IFT25: variants seen among roughly 807,000 people sequenced by gnomAD.
IFT25 encodes intraflagellar transport 25, also known as intraflagellar transport protein 25 homolog.
the IFT25 span, chr1:53,916,690 G>T: frequency 3.2e-6 from 1 of 316,864 alleles, no homozygotes; most frequent in South Asian, 1.6e-4. Flanking sequence ...TGATCTAGCC[G>T]TAATGTTCAG....
At chr1:53,933,604 A>T in the IFT25 span, among the ~76,000 whole-genome samples, 3 of 152,132 alleles carry the variant, frequency 2.0e-5, no homozygotes, top group Non-Finnish European at 4.4e-5. Context: ...TCAACTATTC[A>T]TATCTTTATA....
At chr1:53,911,902 CTAT>C in the IFT25 span, among the ~76,000 whole-genome samples, 4 of 152,126 alleles carry the variant, frequency 2.6e-5, no homozygotes, top group African/African-American at 9.7e-5. Context: ...GAAGTGTTGG[CTAT>C]TATTACGATT....
the IFT25 span, among the ~76,000 whole-genome samples, chr1:53,926,393 C>T: frequency 0.018 from 2,739 of 152,306 alleles, 91 homozygotes; most frequent in African/African-American, 0.063. Flanking sequence ...ATCAAACGAT[C>T]CGCCCACCTC....
the IFT25 span, among the ~76,000 whole-genome samples, chr1:53,917,618 G>A: frequency 3.3e-5 from 5 of 152,156 alleles, no homozygotes; most frequent in Non-Finnish European, 5.9e-5. Context: ...CTGAGGTCAG[G>A]AGTTTGAGAC....
At chr1:53,925,282 A>G in the IFT25 span, among the ~76,000 whole-genome samples, 4 of 152,174 alleles carry the variant, frequency 2.6e-5, 1 homozygote, top group Admixed American at 6.5e-5. Context: ...ATACATTATA[A>G]TGATATTTTC....
the IFT25 span, among the ~76,000 whole-genome samples, chr1:53,937,465 T>C: frequency 6.6e-6 from 1 of 152,186 alleles, no homozygotes; most frequent in Non-Finnish European, 1.5e-5. Context: ...TTATATTTTC[T>C]GGAACTGCAT....
At chr1:53,928,327 TTATCTACTCCTTCATG>T in the IFT25 span, 1 of 1,388,282 alleles carries the variant, frequency 7.2e-7, no homozygotes, top group Non-Finnish European at 1.0e-6. Context: ...CAAAGGAATA[TTATCTACTCCTTCATG>T]CTCAGAACAA....
the IFT25 span, among the ~76,000 whole-genome samples, chr1:53,945,135 A>C: frequency 6.6e-6 from 1 of 152,164 alleles, no homozygotes; most frequent in Non-Finnish European, 1.5e-5. Flanking sequence ...TCCTCAGTTC[A>C]AGGCCCTAAA....
the IFT25 span, among the ~76,000 whole-genome samples, chr1:53,925,546 T>C: frequency 6.6e-6 from 1 of 151,192 alleles, no homozygotes; most frequent in African/African-American, 2.4e-5. Context: ...GCACCTGTAG[T>C]CCCAGTTACT....
At chr1:53,912,342 T>G in the IFT25 span, among the ~76,000 whole-genome samples, 1 of 152,158 alleles carries the variant, frequency 6.6e-6, no homozygotes, top group South Asian at 2.1e-4. Context: ...GCATCAAACA[T>G]TGAGCATTGA....
the IFT25 span, among the ~76,000 whole-genome samples, chr1:53,941,498 G>A: frequency 1.3e-5 from 2 of 152,076 alleles, no homozygotes; most frequent in African/African-American, 4.8e-5. Flanking sequence ...TAAAAGTGTG[G>A]TAACATTGGT....
the IFT25 span, among the ~76,000 whole-genome samples, chr1:53,937,209 T>G: frequency 6.6e-6 from 1 of 152,160 alleles, no homozygotes; most frequent in Admixed American, 6.5e-5. Context: ...TTCCACCTCC[T>G]GGGTTCAAGC....
At chr1:53,912,461 A>G in the IFT25 span, among the ~76,000 whole-genome samples, 2 of 152,200 alleles carry the variant, frequency 1.3e-5, no homozygotes, top group African/African-American at 4.8e-5. Context: ...CCATAACTCA[A>G]GGTGGAGTAT....
chr1:53,919,691 A>G, the IFT25 span, among the ~76,000 whole-genome samples: 1 of 152,228 alleles, frequency 6.6e-6, no homozygotes, highest in Non-Finnish European at 1.5e-5. Context: ...CAATAGATTC[A>G]GATCCCTGCA....
chr1:53,931,066 G>A, the IFT25 span, among the ~76,000 whole-genome samples: 2 of 152,110 alleles, frequency 1.3e-5, no homozygotes, highest in Non-Finnish European at 2.9e-5. Context: ...ACATTTCCGT[G>A]ACTCCAGAAT....
chr1:53,933,492 G>T, the IFT25 span, among the ~76,000 whole-genome samples: 1 of 152,064 alleles, frequency 6.6e-6, no homozygotes, highest in Non-Finnish European at 1.5e-5. Flanking sequence ...TTTGTCTCTG[G>T]TAATACTCCT....
chr1:53,923,163 A>C, the IFT25 span, among the ~76,000 whole-genome samples: 50 of 152,310 alleles, frequency 3.3e-4, no homozygotes, highest in Middle Eastern at 0.01. Flanking sequence ...GGGATTCAAA[A>C]ACTTCCTACA....
At chr1:53,944,563 T>C in the IFT25 span, among the ~76,000 whole-genome samples, 31 of 152,216 alleles carry the variant, frequency 2.0e-4, no homozygotes, top group African/African-American at 7.5e-4. Flanking sequence ...GAGAAGCTCC[T>C]GAACCCAGGA....
the IFT25 span, among the ~76,000 whole-genome samples, chr1:53,943,780 C>A: frequency 6.6e-6 from 1 of 151,996 alleles, no homozygotes; most frequent in South Asian, 2.1e-4. Flanking sequence ...TGCACCACCA[C>A]GGCCGGCTAA....
Sources: allele counts gnomAD v4.1 joint callset (sites outside exome capture counted in the v4.1 genomes callset), GRCh38; gene constraint gnomAD v4.1.1; transcripts MANE v1.5; gene names NCBI Gene and HGNC (gene_info 2026-07-23, HGNC 2026-07-21).